Variants in VANGL1 observed in about 807,000 individuals in gnomAD.
The protein encoded by VANGL1 is VANGL planar cell polarity protein 1.
VANGL1 carries 18 observed loss-of-function variants against 48.4 expected under a neutral mutation model. The ratio of observed to expected loss-of-function variants is 0.37; its 90% CI spans 0.26 to 0.55. VANGL1 has a LOEUF of 0.55. VANGL1 is among the 20% of genes least tolerant of loss of function. The pLI is 0.81. For missense variants in VANGL1, 667 were observed against 675.8 expected, an observed-to-expected ratio of 0.99 and a Z score of 0.14; for synonymous variants, 257 against 261.8, an observed-to-expected ratio of 0.98 and a Z score of 0.18.
At chr1:115,668,100 G>A (rs575508383) in intron 4 of VANGL1, among the ~76,000 whole-genome samples, 1 of 152,324 alleles carries the variant, frequency 6.6e-6, no homozygotes, top group East Asian at 1.9e-4. Flanking sequence ...AGGCGTGGGA[G>A]AGTTAGGTAA....
chr1:115,670,776 T>C (rs74117009), intron 4 of VANGL1, among the ~76,000 whole-genome samples: 2 of 152,204 alleles, frequency 1.3e-5, no homozygotes, highest in African/African-American at 2.4e-5. Context: ...TTTTTAGAAA[T>C]GTGTGTTTTT....
Position 115,684,453 on chromosome 1 carries a change from C to G in VANGL1, c.1079+377C>G, listed in dbSNP as rs557596136. 2.4e-3 allele frequency among the ~76,000 whole-genome samples: 372 copies of G among 152,182 alleles called. 1 individual carries two copies. Among genetic ancestry groups the G allele is most frequent in the African/African-American group, 7.4e-3 (308 of 41,518 alleles). The stretch of plus-strand genomic sequence containing the variant: ...CCATGCCCGGCCTCTTGTAGACTTT[C>G]AATCTTTCCTTTCTTACCACTAGAA... On this transcript the variant is annotated intron_variant, in intron 6 of 7. Transcript: ENST00000355485.
rs553427082 is a variant in VANGL1, at chr1:115,668,857, C to G, written c.812+4589C>G. ...GAGCACAAAAGCAGAAGCTCCCAGG[C>G]CTTTTAAGGTCTGGGCCTGGAACTG... On this transcript the variant is annotated intron_variant, in intron 4 of 7. Coordinates refer to ENST00000355485, the MANE Select transcript of VANGL1 (RefSeq NM_138959.3). Among the ~76,000 whole-genome samples, 143 of 152,316 alleles carry G rather than the reference C, an allele frequency of 9.4e-4. 2 individuals carry two copies. The highest frequency in any genetic ancestry group is 6.8e-3 in the Middle Eastern group (2 of 294).
intron 4 of VANGL1, among the ~76,000 whole-genome samples, chr1:115,673,541 G>A (rs1280224133): frequency 2.0e-5 from 3 of 148,318 alleles, no homozygotes; most frequent in Non-Finnish European, 4.4e-5. Context: ...TGTCACTCCA[G>A]TTTCTGCCCC....
At chr1:115,676,858 C>T (rs1394914618) in intron 4 of VANGL1, among the ~76,000 whole-genome samples, 1 of 152,238 alleles carries the variant, frequency 6.6e-6, no homozygotes, top group African/African-American at 2.4e-5. Context: ...TTCAGTAAGA[C>T]GTTTTATGCC....
Position 115,694,597 on chromosome 1 carries a change from A to G in VANGL1, c.*3218A>G, listed in dbSNP as rs1034443122. The G allele has an allele frequency of 2.0e-5, 3 of 152,126 alleles. No individual in the cohort carries two copies. Among genetic ancestry groups the G allele is most frequent in the Non-Finnish European group, 4.4e-5 (3 of 68,030 alleles). The allele number at this position is 152,126 out of a possible 1,614,324, so 9.4% of individuals were successfully genotyped here. A position where few individuals can be genotyped will look rare whatever the true frequency, so the allele number is the denominator to read the frequency against. ...GGGATGCTACCAGCATATTGGACTG[A>G]CAGAAATTGATTACCTTGCCACTCC... On this transcript the variant is annotated 3_prime_UTR_variant, in exon 8 of 8. Transcript: ENST00000355485.
intron 1 of VANGL1, 53 bp downstream of exon 1, chr1:115,642,139 C>G (rs1426380995): frequency 1.3e-5 from 2 of 151,728 alleles, no homozygotes; most frequent in South Asian, 4.1e-4. Flanking sequence ...CGGGGCAGAC[C>G]GTTGGCTGGG....
intron 7 of VANGL1, among the ~76,000 whole-genome samples, chr1:115,690,563 C>T (rs1244406352): frequency 6.6e-6 from 1 of 152,230 alleles, no homozygotes; most frequent in Admixed American, 6.5e-5. Flanking sequence ...TTCATCCTTA[C>T]GGCAGCCCTG....
chr1:115,658,324 C>T (rs988124895), intron 2 of VANGL1, among the ~76,000 whole-genome samples: 1 of 152,188 alleles, frequency 6.6e-6, no homozygotes, highest in Non-Finnish European at 1.5e-5. Flanking sequence ...ATTTACATCT[C>T]TTTCTCCAAG....
At chr1:115,652,524 G>A (rs1294136006) in intron 2 of VANGL1, among the ~76,000 whole-genome samples, 1 of 152,214 alleles carries the variant, frequency 6.6e-6, no homozygotes, top group Non-Finnish European at 1.5e-5. Context: ...TGTGAAGCAT[G>A]TAACACAGTA....
At chr1:115,645,811 A>T (rs1483910192) in intron 1 of VANGL1, among the ~76,000 whole-genome samples, 2 of 152,242 alleles carry the variant, frequency 1.3e-5, no homozygotes, top group Non-Finnish European at 2.9e-5. Flanking sequence ...ATATATAAGC[A>T]TGGTTGTACC....
intron 2 of VANGL1, 118 bp from the exon 3 acceptor site, chr1:115,659,505 CTGTGTGTGTGTGTGTGTG>C (rs58894569): frequency 6.3e-6 from 6 of 957,994 alleles, no homozygotes; most frequent in African/African-American, 1.6e-5. Flanking sequence ...TTTTGATGCT[CTGTGTGTGTGTGTGTGTG>C]TGTGTGTGTG....
intron 1 of VANGL1, among the ~76,000 whole-genome samples, chr1:115,644,484 C>T (rs1376001451): frequency 6.6e-6 from 1 of 152,110 alleles, no homozygotes; most frequent in Non-Finnish European, 1.5e-5. Flanking sequence ...ATTAGGTGGG[C>T]TTGTGATTGG....
Position 115,685,385 on chromosome 1 carries a change from G to A in VANGL1, c.1172G>A (p.Arg391Lys). 6.2e-7 allele frequency: 1 copy of A among 1,613,990 alleles called. No individual in the cohort carries two copies. The highest frequency in any genetic ancestry group is 8.5e-7 in the Non-Finnish European group (1 of 1,179,942). ...GCCCCAGGGGAGGTGATGGACCCTA[G>A]GGAGGCCGCCCAGGCCATTTTCCCC... The part of the protein sequence containing the change: ...QKAPGEVMDP[R>K]EAAQAIFPSM... The change falls in exon 7 of 8, where the codon AGG becomes AAG. Residue 391 changes from arginine (R) to lysine (K), a missense_variant. By Grantham distance (26) the Arg-to-Lys change is conservative. Coordinates refer to ENST00000355485, the MANE Select transcript of VANGL1 (RefSeq NM_138959.3).
rs1460480729 is a variant in VANGL1 at position 115,696,109 on chromosome 1, C to T, written c.*4730C>T. The T allele has an allele frequency of 6.6e-6, 1 of 152,500 alleles. No homozygotes were observed. Among genetic ancestry groups the T allele is most frequent in the African/African-American group, 2.4e-5 (1 of 41,470 alleles). The allele number at this position is 152,500 out of a possible 1,614,324, so 9.4% of individuals were successfully genotyped here. On this transcript the variant is annotated 3_prime_UTR_variant, in exon 8 of 8. Transcript: ENST00000355485. ...AGGGATGCTGTTGTTCTGGCAGCCC[C>T]CCTTTGCTTTTGCCTGGCCCCACCT...
At chr1:115,672,458 G>A (rs977644685) in intron 4 of VANGL1, among the ~76,000 whole-genome samples, 4 of 152,132 alleles carry the variant, frequency 2.6e-5, no homozygotes, top group Admixed American at 6.5e-5. Flanking sequence ...GCCTTCCCAT[G>A]GGCCTCAGCA....
In VANGL1 at chr1:115,672,805, G is replaced by T. The variant is rs548881557; in HGVS notation, c.812+8537G>T. 3.5e-4 allele frequency among the ~76,000 whole-genome samples: 53 copies of T among 152,322 alleles called. No individual in the cohort carries two copies. The South Asian group carries it at 0.011, about 32-fold the overall frequency. On this transcript the variant is annotated intron_variant, in intron 4 of 7. Coordinates refer to ENST00000355485, the MANE Select transcript of VANGL1 (RefSeq NM_138959.3). ...ACTCATGTGCCTGGTTGTCAGTGAA[G>T]GCGGTGGCGTTCAGCGTCCAGGGGC...
At chr1:115,657,054 T>G (rs1652380023) in intron 2 of VANGL1, among the ~76,000 whole-genome samples, 1 of 152,218 alleles carries the variant, frequency 6.6e-6, no homozygotes, top group South Asian at 2.1e-4. Context: ...TCTAGACTAT[T>G]CTGAGGTTAG....
rs371198389 is a variant in VANGL1 at position 115,651,533 on chromosome 1, G to A, written c.71+49G>A. On this transcript the variant is annotated intron_variant, in intron 2 of 7. Coordinates refer to ENST00000355485, the MANE Select transcript of VANGL1 (RefSeq NM_138959.3). ...ACTTTTCCTTTTGGGGAAACCTACAGGTTGGTGGGGTTCTCTACACTCACT... is the reference window on the plus strand; with the variant it reads ...ACTTTTCCTTTTGGGGAAACCTACAAGTTGGTGGGGTTCTCTACACTCACT... The A allele has an allele frequency of 2.0e-5, 31 of 1,544,538 alleles. No individual in the cohort carries two copies. In the African/African-American group the frequency reaches 3.8e-4, roughly 19 times the overall value.
Sources: allele counts gnomAD v4.1 joint callset (sites outside exome capture counted in the v4.1 genomes callset), GRCh38; gene constraint gnomAD v4.1.1; transcripts MANE v1.5; gene names NCBI Gene and HGNC (gene_info 2026-07-23, HGNC 2026-07-21).